The following ADAMTSL1 variants were observed in gnomAD, a reference collection of about 807,000 sequenced individuals.
The protein encoded by ADAMTSL1 is ADAMTS like 1.
In ADAMTSL1, 126 loss-of-function variants were observed where a neutral mutation model predicts 201.8. The observed-to-expected ratio is 0.62, with a 90% confidence interval of 0.54 to 0.72. The LOEUF (loss-of-function observed/expected upper bound fraction) is 0.72. Among genes scored for constraint, ADAMTSL1 ranks in the 30% least tolerant of loss-of-function variants. The probability of loss-of-function intolerance (pLI) is 0.00; values close to 1 mark genes in which losing one functional copy is unlikely to be tolerated. For synonymous variants in ADAMTSL1, 1,121 were observed against 903.4 expected (o/e 1.24, Z -4.32); for missense variants, 2,679 against 2,277.8 (o/e 1.18, Z -3.59).
chr9:18,234,301 A>C (rs1830757371), intron 2 of ADAMTSL1, among the ~76,000 whole-genome samples: 1 of 152,158 alleles, frequency 6.6e-6, no homozygotes, highest in South Asian at 2.1e-4. Flanking sequence ...AGTTTAATAT[A>C]AAATATGTTG....
chr9:18,397,659 A>C (rs1010376834), intron 2 of ADAMTSL1, among the ~76,000 whole-genome samples: 10 of 152,296 alleles, frequency 6.6e-5, no homozygotes, highest in African/African-American at 2.4e-4. Context: ...AGTGATTGTA[A>C]ATCACCATTG....
chr9:18,718,655 G>A (rs566255044), intron 14 of ADAMTSL1: 95 of 355,920 alleles, frequency 2.7e-4, no homozygotes, highest in Admixed American at 9.2e-4. Context: ...GCTCCAGCTG[G>A]TTTACACACC....
chr9:18,532,643 T>C (rs1819517174), intron 2 of ADAMTSL1, among the ~76,000 whole-genome samples: 1 of 151,976 alleles, frequency 6.6e-6, no homozygotes, highest in African/African-American at 2.4e-5. Context: ...TTTTTATTTA[T>C]ACTGGAAAGG....
At chr9:18,906,089 T>G (rs1331952605) in intron 27 of ADAMTSL1, among the ~76,000 whole-genome samples, 198 bp downstream of exon 27, 3 of 152,206 alleles carry the variant, frequency 2.0e-5, no homozygotes, top group Non-Finnish European at 2.9e-5. Context: ...TCTAATGGGC[T>G]AGGCTGGGCT....
intron 3 of ADAMTSL1, among the ~76,000 whole-genome samples, chr9:18,537,717 C>T (rs1819859676): frequency 6.6e-6 from 1 of 151,390 alleles, no homozygotes; most frequent in Non-Finnish European, 1.5e-5. Flanking sequence ...TTCTACAAAA[C>T]AAAAACCAAA....
At chr9:17,928,797 T>C (rs1349807974) in intron 1 of ADAMTSL1, among the ~76,000 whole-genome samples, 3 of 152,110 alleles carry the variant, frequency 2.0e-5, no homozygotes, top group Admixed American at 6.6e-5. Flanking sequence ...ACCCATACTA[T>C]GTGAAAGGAG....
chr9:17,981,044 G>A (rs1612716), intron 1 of ADAMTSL1, among the ~76,000 whole-genome samples: 73,881 of 152,012 alleles, frequency 0.49, 19,491 homozygotes, highest in East Asian at 0.92. Flanking sequence ...AGCCATTCAC[G>A]AGGGATTCAT....
chr9:18,347,807 CTTTGT>C (rs1835790199), intron 2 of ADAMTSL1, among the ~76,000 whole-genome samples: 3 of 152,238 alleles, frequency 2.0e-5, no homozygotes, highest in Non-Finnish European at 1.5e-5. Flanking sequence ...TCAAGCACTG[CTTTGT>C]TTTAAGTTAG....
At chr9:18,894,898 A>G (rs1291679609) in intron 26 of ADAMTSL1, among the ~76,000 whole-genome samples, 2 of 152,188 alleles carry the variant, frequency 1.3e-5, no homozygotes, top group Non-Finnish European at 2.9e-5. Flanking sequence ...GAAAAAGAGG[A>G]AAAAGATTAA....
At chr9:18,901,746 C>T (rs1217752167) in intron 26 of ADAMTSL1, among the ~76,000 whole-genome samples, 1 of 151,984 alleles carries the variant, frequency 6.6e-6, no homozygotes, top group African/African-American at 2.4e-5. Context: ...GAGGGAATTA[C>T]AGGGGAAAGC....
At chr9:18,232,834 C>G (rs1438825986) in intron 2 of ADAMTSL1, among the ~76,000 whole-genome samples, 2 of 152,142 alleles carry the variant, frequency 1.3e-5, no homozygotes, top group African/African-American at 4.8e-5. Flanking sequence ...GTACAAAAGG[C>G]ACTCTGGTTA....
intron 16 of ADAMTSL1, among the ~76,000 whole-genome samples, chr9:18,755,509 T>C (rs575729178): frequency 6.6e-6 from 1 of 152,340 alleles, no homozygotes; most frequent in Non-Finnish European, 1.5e-5. Flanking sequence ...AATATCGTCC[T>C]AGTCTTGAAA....
chr9:18,654,498 T>G (rs1828498427), intron 7 of ADAMTSL1, among the ~76,000 whole-genome samples: 1 of 152,200 alleles, frequency 6.6e-6, no homozygotes, highest in Non-Finnish European at 1.5e-5. Flanking sequence ...TGCCAGACAT[T>G]GTAGATGATG....
chr9:18,271,914 C>T (rs1480858423), intron 2 of ADAMTSL1, among the ~76,000 whole-genome samples: 2 of 151,634 alleles, frequency 1.3e-5, no homozygotes, highest in East Asian at 3.9e-4. Context: ...ATTTGCATTT[C>T]TCTGATGGCC....
chr9:18,088,058 C>T (rs1039371924), intron 1 of ADAMTSL1, among the ~76,000 whole-genome samples: 4 of 152,064 alleles, frequency 2.6e-5, no homozygotes, highest in African/African-American at 9.7e-5. Context: ...TACAGACATA[C>T]AGACCAATGG....
At chr9:18,208,737 T>C (rs924742463) in intron 2 of ADAMTSL1, among the ~76,000 whole-genome samples, 7 of 152,138 alleles carry the variant, frequency 4.6e-5, no homozygotes, top group Non-Finnish European at 7.4e-5. Context: ...GACTTTTTTA[T>C]TGCAATAATG....
At chr9:18,102,203 T>A (rs1386670767) in intron 1 of ADAMTSL1, among the ~76,000 whole-genome samples, 3 of 152,236 alleles carry the variant, frequency 2.0e-5, no homozygotes, top group Non-Finnish European at 4.4e-5. Context: ...TTTCATACAT[T>A]CAAATTTCTT....
intron 2 of ADAMTSL1, among the ~76,000 whole-genome samples, chr9:18,330,870 G>A (rs1312984706): frequency 1.3e-5 from 2 of 152,162 alleles, no homozygotes; most frequent in Admixed American, 1.3e-4. Flanking sequence ...TATTTACTGA[G>A]CACCAGTTAC....
intron 1 of ADAMTSL1, among the ~76,000 whole-genome samples, chr9:18,150,662 A>G (rs1826868460): frequency 6.6e-6 from 1 of 152,026 alleles, no homozygotes. Context: ...AGAGATGAGC[A>G]TAGAGAAAAG....
Sources: gnomAD v4.1 joint callset for allele counts (sites outside exome capture counted in the v4.1 genomes callset) on GRCh38, gnomAD v4.1.1 for gene constraint, MANE v1.5 for transcripts, NCBI Gene and HGNC (gene_info 2026-07-23, HGNC 2026-07-21) for gene names.